The following AGBL4 variants were observed in gnomAD, a reference collection of about 807,000 sequenced individuals.
AGBL4 encodes cytosolic carboxypeptidase 6.
AGBL4 carries 58 observed loss-of-function variants against 66.4 expected under a neutral mutation model. The ratio of observed to expected loss-of-function variants is 0.87; its 90% CI spans 0.71 to 1.09. The LOEUF is 1.09. Ranked by LOEUF, AGBL4 falls within the 50% of genes least tolerant of loss-of-function variation. The probability of loss-of-function intolerance (pLI) is 0.00; values close to 1 mark genes in which losing one functional copy is unlikely to be tolerated. For synonymous variants in AGBL4, 234 were observed against 222.9 expected (o/e 1.05, Z -0.44); for missense variants, 579 against 631.0 (o/e 0.92, Z 0.88).
chr1:49,481,623 C>A (rs1343513277), intron 3 of AGBL4, among the ~76,000 whole-genome samples: 1 of 151,876 alleles, frequency 6.6e-6, no homozygotes, highest in Non-Finnish European at 1.5e-5. Flanking sequence ...TTATTTCTTT[C>A]TCTTTCTAAT....
chr1:49,334,521 A>G (rs1645396555), intron 3 of AGBL4, among the ~76,000 whole-genome samples: 1 of 152,206 alleles, frequency 6.6e-6, no homozygotes, highest in Non-Finnish European at 1.5e-5. Context: ...AACTACATAG[A>G]CTGTCCCAGC....
intron 3 of AGBL4, among the ~76,000 whole-genome samples, chr1:49,687,635 G>T (rs1004839796): frequency 1.3e-5 from 2 of 151,974 alleles, no homozygotes; most frequent in African/African-American, 4.8e-5. Context: ...AGTCCAGCAT[G>T]GTGGTGCACT....
At position 49,762,275 on chromosome 1, in the gene AGBL4, G is replaced by A. The variant is rs368990766; in HGVS notation, c.158-64838C>T. ...TTTGATGACAGTCTTTCTAACTGGAGTAAGGTGGTACCTCAGTATAATTTT... is the reference window on the plus strand; with the variant it reads ...TTTGATGACAGTCTTTCTAACTGGAATAAGGTGGTACCTCAGTATAATTTT... On this transcript the variant is annotated intron_variant, in intron 2 of 13. Coordinates refer to ENST00000371839, the MANE Select transcript of AGBL4 (RefSeq NM_032785.4). Among the ~76,000 whole-genome samples, 52 of 152,240 alleles carry A rather than the reference G, an allele frequency of 3.4e-4. 1 individual carries two copies. In the South Asian group the frequency reaches 9.5e-3, roughly 28 times the overall value.
chr1:48,929,223 G>T (rs1300806797), intron 5 of AGBL4, among the ~76,000 whole-genome samples: 1 of 152,168 alleles, frequency 6.6e-6, no homozygotes, highest in Non-Finnish European at 1.5e-5. Flanking sequence ...TGAGGTAAAA[G>T]ATTAAAATGT....
intron 2 of AGBL4, among the ~76,000 whole-genome samples, chr1:49,738,591 A>G (rs1650112439): frequency 6.6e-6 from 1 of 152,190 alleles, no homozygotes; most frequent in East Asian, 1.9e-4. Context: ...AGATGTGAGA[A>G]AGGACAGACT....
intron 1 of AGBL4, among the ~76,000 whole-genome samples, chr1:49,935,401 G>T (rs1653870664): frequency 6.6e-6 from 1 of 152,182 alleles, no homozygotes; most frequent in Admixed American, 6.5e-5. Flanking sequence ...CACCTCTGGG[G>T]GCAGGGCACA....
chr1:49,162,419 T>G (rs1032743998), intron 4 of AGBL4, among the ~76,000 whole-genome samples: 2 of 152,204 alleles, frequency 1.3e-5, no homozygotes, highest in Admixed American at 1.3e-4. Flanking sequence ...ATAGTCATAC[T>G]CAGTAAATGT....
chr1:48,625,144 T>TTCCTTC (rs1557836691), intron 9 of AGBL4, among the ~76,000 whole-genome samples: 1 of 135,088 alleles, frequency 7.4e-6, no homozygotes, highest in African/African-American at 3.1e-5. Flanking sequence ...TTCCTTCCTT[T>TTCCTTC]CTCTTTCTCT....
At chr1:49,607,443 C>A (rs142274282) in intron 3 of AGBL4, among the ~76,000 whole-genome samples, 1 of 152,132 alleles carries the variant, frequency 6.6e-6, no homozygotes, top group Non-Finnish European at 1.5e-5. Flanking sequence ...ATGAGCCCTG[C>A]ATATTCATCA....
chr1:49,165,009 A>G (rs1465701479), intron 4 of AGBL4, among the ~76,000 whole-genome samples: 1 of 152,180 alleles, frequency 6.6e-6, no homozygotes, highest in Admixed American at 6.6e-5. Context: ...AATAATCAGT[A>G]GGAACATACT....
chr1:49,756,886 G>A (rs567920689), intron 2 of AGBL4, among the ~76,000 whole-genome samples: 8 of 152,192 alleles, frequency 5.3e-5, no homozygotes, highest in African/African-American at 9.6e-5. Context: ...CCAGTCTTGG[G>A]CAGTTCTTTA....
intron 1 of AGBL4, among the ~76,000 whole-genome samples, chr1:50,012,788 A>C (rs1439668849): frequency 6.6e-6 from 1 of 152,208 alleles, no homozygotes; most frequent in Admixed American, 6.5e-5. Flanking sequence ...TAAATGTGAA[A>C]CTGCATTAAA....
chr1:49,881,583 C>G (rs1161219338), intron 1 of AGBL4, among the ~76,000 whole-genome samples: 2 of 150,600 alleles, frequency 1.3e-5, no homozygotes, highest in Non-Finnish European at 2.9e-5. Context: ...GCCATTCTAA[C>G]TGGTGTGAGA....
At chr1:48,913,958 T>G (rs149526689) in intron 5 of AGBL4, among the ~76,000 whole-genome samples, 1 of 152,258 alleles carries the variant, frequency 6.6e-6, no homozygotes, top group Non-Finnish European at 1.5e-5. Flanking sequence ...AGTCCTGTTT[T>G]AAAACACATT....
chr1:49,301,376 C>T (rs771624459), intron 3 of AGBL4, among the ~76,000 whole-genome samples: 69 of 152,146 alleles, frequency 4.5e-4, no homozygotes, highest in Non-Finnish European at 8.4e-4. Flanking sequence ...ACTGTCTTTG[C>T]TAATCACTAT....
intron 5 of AGBL4, among the ~76,000 whole-genome samples, chr1:48,901,170 A>C (rs1212126868): frequency 6.6e-6 from 1 of 152,228 alleles, no homozygotes; most frequent in Non-Finnish European, 1.5e-5. Flanking sequence ...CCACAATGAG[A>C]TATCACTAGA....
intron 5 of AGBL4, among the ~76,000 whole-genome samples, chr1:48,994,027 G>A (rs1270479933): frequency 2.0e-5 from 3 of 152,036 alleles, no homozygotes; most frequent in Non-Finnish European, 2.9e-5. Flanking sequence ...TGGTGTTCCT[G>A]AAGGGAGGAT....
At chr1:48,906,471 A>G (rs1255478476) in intron 5 of AGBL4, among the ~76,000 whole-genome samples, 19 of 152,130 alleles carry the variant, frequency 1.2e-4, no homozygotes. Flanking sequence ...TAAGTTTTAA[A>G]ACAGAGGAAT....
intron 3 of AGBL4, among the ~76,000 whole-genome samples, chr1:49,563,493 A>T (rs2148857930): frequency 6.6e-6 from 1 of 152,224 alleles, no homozygotes; most frequent in Admixed American, 6.5e-5. Flanking sequence ...ATCAGTACCT[A>T]ATTTATTGAG....
Sources: gnomAD v4.1 joint callset for allele counts (sites outside exome capture counted in the v4.1 genomes callset) on GRCh38, gnomAD v4.1.1 for gene constraint, MANE v1.5 for transcripts, NCBI Gene and HGNC (gene_info 2026-07-23, HGNC 2026-07-21) for gene names.